The following KLK1 variants were observed in gnomAD, a reference collection of about 807,000 sequenced individuals.
The protein encoded by KLK1 is kallikrein-1.
In KLK1, 22 loss-of-function variants were observed where a neutral mutation model predicts 23.3. The observed-to-expected ratio is 0.95, with a 90% CI of 0.68 to 1.35. The LOEUF (loss-of-function observed/expected upper bound fraction) is 1.35. Ranked by LOEUF, KLK1 falls within the 40% of genes most tolerant of loss-of-function variation. KLK1 has a pLI of 0.00. For synonymous variants in KLK1, 140 were observed against 135.8 expected, an observed-to-expected ratio of 1.03 and a Z score of -0.21; for missense variants, 301 against 338.9, an observed-to-expected ratio of 0.89 and a Z score of 0.88.
chr19:50,821,774 G>C lies in KLK1; in HGVS notation c.144C>G (p.Phe48Leu), dbSNP rs2089829768. The change falls in exon 2 of 5, where the codon TTC becomes TTG. Residue 48 changes from phenylalanine to leucine, a missense_variant. Transcript: ENST00000301420. The surrounding 1 kb of genome is among the most constrained non-coding windows in gnomAD (Gnocchi z 5.6). ...GGTGCACCAGGATGCCCCCACACTG[G>C]AAAGTGCTGAAATGGTACAGAGCCG... is the stretch of plus-strand genomic sequence containing the variant. ...WQAALYHFST[F>L]QCGGILVHRQ... The C allele has an allele frequency of 6.2e-6, 10 of 1,613,992 alleles. No homozygotes were observed. The highest frequency in any genetic ancestry group is 8.5e-6 in the Non-Finnish European group (10 of 1,179,988).
In KLK1 at chr19:50,819,712, G is replaced by A. The variant is rs185046443; in HGVS notation, c.633+187C>T. On this transcript the variant is annotated intron_variant, in intron 4 of 4. Transcript: ENST00000301420. ...CACGAGGAACGGTGAACTCTGGTGT[G>A]GGGGGTGAGATGCAGTTGTCCCTGG... is the stretch of plus-strand genomic sequence containing the variant. 2.0e-5 allele frequency among the ~76,000 whole-genome samples: 3 copies of A among 152,130 alleles called. No homozygotes were observed. The East Asian group carries it at 5.8e-4, about 29-fold the overall frequency.
chr19:50,821,741 C>G lies in KLK1; in HGVS notation c.177G>C (p.Trp59Cys). 1 of 1,613,604 alleles carries G rather than the reference C, an allele frequency of 6.2e-7. No individual in the cohort carries two copies. The highest frequency in any genetic ancestry group is 8.5e-7 in the Non-Finnish European group (1 of 1,179,788). The change falls in exon 2 of 5, where the codon TGG becomes TGC. Residue 59 changes from tryptophan to cysteine, a missense_variant. Coordinates refer to ENST00000301420, the MANE Select transcript of KLK1 (RefSeq NM_002257.4). The surrounding 1 kb of genome is among the most constrained non-coding windows in gnomAD (Gnocchi z 5.6). ...TGATGCAATGAGCAGCTGTGAGCACCCACTGGCGGTGCACCAGGATGCCCC... is the reference window on the plus strand; with the variant it reads ...TGATGCAATGAGCAGCTGTGAGCACGCACTGGCGGTGCACCAGGATGCCCC... ...QCGGILVHRQ[W>C]VLTAAHCISD...
intron 2 of KLK1, chr19:50,820,650 AG>A: frequency 2.0e-6 from 1 of 500,502 alleles, no homozygotes; most frequent in South Asian, 3.0e-5. Context: ...AGGCAAATGA[AG>A]AGACAGAGCA....
Position 50,820,458 on chromosome 19 carries a change from GAAT to G in KLK1, c.207-18_207-16del. On this transcript the variant is annotated splice_polypyrimidine_tract_variant and intron_variant, in intron 2 of 4. Coordinates refer to ENST00000301420, the MANE Select transcript of KLK1 (RefSeq NM_002257.4). ...GCTGGTAATTGCTGGGGAAAGATGG[GAAT>G]GGAGGGATGAGAAGACGGGAAGGGG... is the stretch of plus-strand genomic sequence containing the variant. 2 of 1,318,018 alleles carry G rather than the reference GAAT, an allele frequency of 1.5e-6. No individual in the cohort carries two copies. The highest frequency in any genetic ancestry group is 2.0e-6 in the Non-Finnish European group (2 of 988,842). The allele number at this position is 1,318,018 out of a possible 1,614,324, so 81.6% of individuals were successfully genotyped here.
chr19:50,820,071 C>T (rs1215149639), intron 3 of KLK1, 36 bp from the exon 4 acceptor site: 1 of 1,612,840 alleles, frequency 6.2e-7, no homozygotes, highest in Admixed American at 1.7e-5. Context: ...GCAGCCCGAC[C>T]TCACCTGCTT....
intron 1 of KLK1, among the ~76,000 whole-genome samples, chr19:50,823,427 G>A (rs1035058590): frequency 3.9e-5 from 6 of 152,116 alleles, no homozygotes; most frequent in Non-Finnish European, 8.8e-5. Context: ...GGGACAGGGC[G>A]TTGGCTAGGG....
Position 50,821,980 on chromosome 19 carries a change from G to T in KLK1, c.47-109C>A. ...GTCTGAAGGGACATTGCGGGTAGAG[G>T]ACCAGGGCTGGAGGTTGGGGACATG... On this transcript the variant is annotated intron_variant, in intron 1 of 4. Coordinates refer to ENST00000301420, the MANE Select transcript of KLK1 (RefSeq NM_002257.4). This position sits in a 1 kb window ranked among gnomAD's most constrained non-coding sequence, Gnocchi z 5.6. 6.8e-7 allele frequency: 1 copy of T among 1,470,734 alleles called. No individual in the cohort carries two copies. Among genetic ancestry groups the T allele is most frequent in the South Asian group, 1.4e-5 (1 of 71,220 alleles). The allele number at this position is 1,470,734 out of a possible 1,614,324, so 91.1% of individuals were successfully genotyped here.
chr19:50,819,816 G>A, intron 4 of KLK1, 83 bp downstream of exon 4: 5 of 1,378,562 alleles, frequency 3.6e-6, no homozygotes, highest in Non-Finnish European at 5.0e-6. Flanking sequence ...TGAAGCAGAT[G>A]CCTGGTTAGC....
At position 50,821,837 on chromosome 19, in the gene KLK1, T is replaced by C; in HGVS notation, c.81A>G (p.Gly27=). 6.2e-7 allele frequency: 1 copy of C among 1,613,226 alleles called. No homozygotes were observed. Among genetic ancestry groups the C allele is most frequent in the South Asian group, 1.1e-5 (1 of 91,026 alleles). Residue 27 remains glycine, a synonymous_variant, in exon 2 of 5, where the codon GGA becomes GGG. Transcript: ENST00000301420. The surrounding 1 kb of genome is among the most constrained non-coding windows in gnomAD (Gnocchi z 5.6). Reference sequence around the variant, plus strand: ...GGGAATGCTGCTCACACTCCCAGCCTCCCACAATCCGGGACTGAATCGGGG... The same window carrying C: ...GGGAATGCTGCTCACACTCCCAGCCCCCCACAATCCGGGACTGAATCGGGG... The part of the protein sequence containing the change: ...AAPPIQSRIV[G]GWECEQHSQP...
chr19:50,823,413 C>T (rs1346154363), intron 1 of KLK1, among the ~76,000 whole-genome samples: 3 of 151,892 alleles, frequency 2.0e-5, no homozygotes, highest in Admixed American at 6.6e-5. Flanking sequence ...TTTGGTAAAG[C>T]GGTGGGACAG....
At chr19:50,820,505 GGAGCA>G in intron 2 of KLK1, 62 bp from the exon 3 acceptor site, 10 of 832,904 alleles carry the variant, frequency 1.2e-5, no homozygotes, top group East Asian at 3.0e-5. Flanking sequence ...ATGGGGCAGG[GGAGCA>G]TGGGGGAGGG....
chr19:50,820,511 T>TTGCTG, intron 2 of KLK1, 68 bp from the exon 3 acceptor site: 4 of 135,864 alleles, frequency 2.9e-5, no homozygotes, highest in Non-Finnish European at 4.4e-5. Flanking sequence ...CAGGGGAGCA[T>TTGCTG]GGGGGAGGGT....
intron 2 of KLK1, chr19:50,820,707 G>C: frequency 2.9e-5 from 10 of 348,264 alleles, no homozygotes; most frequent in East Asian, 9.9e-5. Flanking sequence ...CGGAGGGGAG[G>C]GCAGTGAGAA....
At chr19:50,822,156 A>G (rs2089832235) in intron 1 of KLK1, 2 of 1,133,142 alleles carry the variant, frequency 1.8e-6, no homozygotes, top group Admixed American at 8.8e-5. Flanking sequence ...TGGAGCAGAC[A>G]CTGCATCTGG....
At chr19:50,822,002 C>A in intron 1 of KLK1, 131 bp from the exon 2 acceptor site, 2 of 1,441,688 alleles carry the variant, frequency 1.4e-6, no homozygotes, top group Non-Finnish European at 1.8e-6. Context: ...AGGTTGGGGA[C>A]ATGGGCAAGG....
rs2089825428 is a variant in KLK1 at position 50,821,027 on chromosome 19, G to C, written c.207-584C>G. ...AGCTGCAGCTGGGGCTGTGGTGCGG[G>C]CTCCCCAGGGGCAGGTGGCCTGGCC... On this transcript the variant is annotated intron_variant, in intron 2 of 4. Coordinates refer to ENST00000301420, the MANE Select transcript of KLK1 (RefSeq NM_002257.4). The surrounding 1 kb of genome is among the most constrained non-coding windows in gnomAD (Gnocchi z 5.6). Among the ~76,000 whole-genome samples the C allele has an allele frequency of 6.6e-6, 1 of 152,120 alleles. No individual in the cohort carries two copies. The highest frequency in any genetic ancestry group is 6.5e-5 in the Admixed American group (1 of 15,272).
intron 2 of KLK1, chr19:50,820,655 CAG>C (rs969921829): frequency 3.7e-5 from 18 of 482,548 alleles, no homozygotes; most frequent in African/African-American, 2.6e-4. Context: ...AATGAAGAGA[CAG>C]AGCAAAAAAG....
intron 3 of KLK1, 28 bp downstream of exon 3, chr19:50,820,126 T>C (rs1375491732): frequency 6.2e-7 from 1 of 1,601,912 alleles, no homozygotes; most frequent in Admixed American, 1.7e-5. Flanking sequence ...CATCCCCGCC[T>C]TGGGCTACAC....
At position 50,820,311 on chromosome 19, in the gene KLK1, T is replaced by C; in HGVS notation, c.339A>G (p.Ala113=). ...TGAGGTCGTGGCTGTAGTCCTCGTC[T>C]GCTTGGCGGGTGTGGTTCTCCAGGA... is the stretch of plus-strand genomic sequence containing the variant. ...MSLLENHTRQ[A]DEDYSHDLML... is the part of the protein sequence containing the mutation. Residue 113 remains alanine, a synonymous_variant, in exon 3 of 5, where the codon GCA becomes GCG. Coordinates refer to ENST00000301420, the MANE Select transcript of KLK1 (RefSeq NM_002257.4). 2 of 1,614,044 alleles carry C rather than the reference T, an allele frequency of 1.2e-6. No individual in the cohort carries two copies. The highest frequency in any genetic ancestry group is 1.7e-6 in the Non-Finnish European group (2 of 1,180,006).
Sources: allele counts gnomAD v4.1 joint callset (sites outside exome capture counted in the v4.1 genomes callset), GRCh38; gene constraint gnomAD v4.1.1; non-coding constraint Gnocchi (gnomAD v3.1); transcripts MANE v1.5; gene names NCBI Gene and HGNC (gene_info 2026-07-23, HGNC 2026-07-21).